Variants in FASTKD1 observed in about 807,000 individuals in gnomAD.
FASTKD1 encodes FAST kinase domain-containing protein 1, mitochondrial.
Under a neutral mutation model 90.9 loss-of-function variants are expected in FASTKD1, and 94 were observed. The ratio of observed to expected loss-of-function variants is 1.03; its 90% CI spans 0.88 to 1.23. The LOEUF (loss-of-function observed/expected upper bound fraction) is 1.23. Among genes scored for constraint, FASTKD1 ranks in the 50% most tolerant of loss-of-function variants. The probability of loss-of-function intolerance (pLI) is 0.00; values close to 1 mark genes in which losing one functional copy is unlikely to be tolerated. For missense variants in FASTKD1, 945 were observed against 993.5 expected (o/e 0.95, Z 0.66); for synonymous variants, 319 against 345.8 (o/e 0.92, Z 0.86).
intron 5 of FASTKD1, chr2:169,560,126 C>A: frequency 4.4e-6 from 1 of 229,770 alleles, no homozygotes; most frequent in Non-Finnish European, 8.4e-6. Flanking sequence ...AGAATAAAAA[C>A]ACATGGCGTT....
chr2:169,548,870 A>G (rs945516802), intron 7 of FASTKD1, among the ~76,000 whole-genome samples: 5 of 151,600 alleles, frequency 3.3e-5, no homozygotes, highest in Non-Finnish European at 5.9e-5. Flanking sequence ...CAAGGCGGGC[A>G]GATCACGAGG....
chr2:169,530,207 C>T (rs760962983), intron 14 of FASTKD1, among the ~76,000 whole-genome samples: 1 of 152,182 alleles, frequency 6.6e-6, no homozygotes, highest in Non-Finnish European at 1.5e-5. Flanking sequence ...CCTCTGATAA[C>T]TCTATCCATC....
At chr2:169,551,673 T>C (rs1225490286) in intron 7 of FASTKD1, among the ~76,000 whole-genome samples, 1 of 152,142 alleles carries the variant, frequency 6.6e-6, no homozygotes, top group African/African-American at 2.4e-5. Flanking sequence ...AGCACGTGCC[T>C]GTAGTCCCAG....
rs1378773701 is a variant in FASTKD1 at position 169,556,298 on chromosome 2, T to C, written c.1082+889A>G. ...CAAAAAATACAAAAATTAGTGGGCA[T>C]GGCGACACGTGCCTGTAGTCCCAGG... On this transcript the variant is annotated intron_variant, in intron 6 of 14. Transcript: ENST00000453153. 5.3e-5 allele frequency among the ~76,000 whole-genome samples: 8 copies of C among 151,588 alleles called. No homozygotes were observed. In the East Asian group the frequency reaches 1.6e-3, roughly 29 times the overall value.
rs1559157078 is a variant in FASTKD1, at chr2:169,561,948, TA to T, written c.573-1164del. ...AATTATTTGTTAATTTATTATAAATTAATTATTAATTTATTGTAAATTAATT... is the reference window on the plus strand; with the variant it reads ...AATTATTTGTTAATTTATTATAAATTATTATTAATTTATTGTAAATTAATT... On this transcript the variant is annotated intron_variant, in intron 4 of 14. Transcript: ENST00000453153. Among the ~76,000 whole-genome samples the T allele has an allele frequency of 2.2e-3, 296 of 132,206 alleles. 91 individuals are homozygous for T. The highest frequency in any genetic ancestry group is 8.0e-3 in the African/African-American group (288 of 36,004). 86.7% of individuals were successfully genotyped at this position (132,206 alleles called of 152,430 possible). A position where few individuals can be genotyped will look rare whatever the true frequency, so the allele number is the denominator to read the frequency against.
Position 169,540,102 on chromosome 2 carries a change from T to C in FASTKD1, c.1894A>G (p.Lys632Glu). The C allele has an allele frequency of 6.2e-7, 1 of 1,610,248 alleles. No homozygotes were observed. The highest frequency in any genetic ancestry group is 8.5e-7 in the Non-Finnish European group (1 of 1,178,048). Residue 632 changes from lysine (K) to glutamate (E), a missense_variant, in exon 10 of 15, where the codon AAG becomes GAG. Physicochemically the swap from Lys to Glu is moderately conservative, Grantham distance 56. Transcript: ENST00000453153. Reference protein sequence around the residue: ...TLEYFPEDLLKAIFNIKFLAR... With the variant: ...TLEYFPEDLLEAIFNIKFLAR... ...AAGAATTTGATGTTAAAAATTGCCT[T>C]TAGCAGATCTTCTGGAAAATATTCA...
chr2:169,558,258 G>A (rs1174897922), intron 5 of FASTKD1, among the ~76,000 whole-genome samples: 1 of 152,076 alleles, frequency 6.6e-6, no homozygotes, highest in Non-Finnish European at 1.5e-5. Context: ...TTGTTCGTGT[G>A]TGTGTTTCTT....
At chr2:169,561,772 A>C (rs1309980939) in intron 4 of FASTKD1, among the ~76,000 whole-genome samples, 1 of 144,092 alleles carries the variant, frequency 6.9e-6, no homozygotes, top group Non-Finnish European at 1.5e-5. Context: ...AATTTATTGT[A>C]AATTATTTAT....
intron 7 of FASTKD1, among the ~76,000 whole-genome samples, chr2:169,548,014 CA>C (rs1685294846): frequency 6.3e-5 from 5 of 79,970 alleles, no homozygotes; most frequent in Admixed American, 1.2e-4. Context: ...AAAAACAAAA[CA>C]AAAACAAAAA....
At chr2:169,551,750 G>A (rs758402175) in intron 7 of FASTKD1, among the ~76,000 whole-genome samples, 10 of 152,210 alleles carry the variant, frequency 6.6e-5, no homozygotes, top group South Asian at 6.2e-4. Flanking sequence ...CCGAGATCAC[G>A]CCACTGTACT....
In FASTKD1 at chr2:169,530,583, A is replaced by G. The variant is rs773131814; in HGVS notation, c.2442+4T>C. 1.3e-6 allele frequency: 2 copies of G among 1,566,100 alleles called. No homozygotes were observed. Among genetic ancestry groups the G allele is most frequent in the Non-Finnish European group, 1.7e-6 (2 of 1,146,040 alleles). ...AGAGGCTGAATTACATGAGTATTTC[A>G]TACCTGAATTACACGATACCCCAGA... On this transcript the variant is annotated splice_donor_region_variant and intron_variant, in intron 14 of 14. Transcript: ENST00000453153.
intron 9 of FASTKD1, among the ~76,000 whole-genome samples, chr2:169,544,445 C>G (rs115638975): frequency 6.6e-6 from 1 of 152,010 alleles, no homozygotes; most frequent in Non-Finnish European, 1.5e-5. Context: ...GTGGCACATG[C>G]TTATAGTCCA....
intron 12 of FASTKD1, among the ~76,000 whole-genome samples, chr2:169,533,472 G>A (rs369096260): frequency 2.0e-5 from 3 of 152,088 alleles, no homozygotes; most frequent in Admixed American, 6.6e-5. Context: ...ATAACCTTGG[G>A]CAATCAATAA....
Position 169,560,558 on chromosome 2 carries a change from G to C in FASTKD1, c.800C>G (p.Ser267Cys), listed in dbSNP as rs1452432731. The change falls in exon 5 of 15, where the codon TCC (serine) becomes TGC (cysteine). Residue 267 changes from serine (S) to cysteine (C), a missense_variant. By Grantham distance (112) the Ser-to-Cys change is moderately radical. Transcript: ENST00000453153. ...LSNVDHLDLD[S>C]ISKILSVYKF... ...GTATACACTAAGTATTTTACTGATGGAATCCAAATCAAGGTGGTCCACATT... is the reference window on the plus strand; with the variant it reads ...GTATACACTAAGTATTTTACTGATGCAATCCAAATCAAGGTGGTCCACATT... 6 of 1,603,414 alleles carry C rather than the reference G, an allele frequency of 3.7e-6. No individual in the cohort carries two copies. In the African/African-American group the frequency reaches 8.1e-5, roughly 22 times the overall value.
At chr2:169,530,485 T>A (rs1022793247) in intron 14 of FASTKD1, 102 bp downstream of exon 14, 1 of 690,106 alleles carries the variant, frequency 1.4e-6, no homozygotes, top group Non-Finnish European at 2.5e-6. Context: ...TTAAAAAATA[T>A]ATTTAAAAAG....
Position 169,546,310 on chromosome 2 carries a change from C to T in FASTKD1, c.1609G>A (p.Gly537Arg), listed in dbSNP as rs1445586925. Residue 537 changes from glycine (G) to arginine (R), a missense_variant, in exon 8 of 15, where the codon GGG (glycine) becomes AGG (arginine). Coordinates refer to ENST00000453153, the MANE Select transcript of FASTKD1 (RefSeq NM_024622.6). ...FMDDINYINV[G>R]EIASFISSTD... ...CTAGAAATAAAAGATGCAATCTCCC[C>T]AACATTTATGTAATTAATATCATCC... 3 of 1,613,720 alleles carry T rather than the reference C, an allele frequency of 1.9e-6. No individual in the cohort carries two copies. The highest frequency in any genetic ancestry group is 2.7e-5 in the African/African-American group (2 of 74,846).
At chr2:169,561,455 T>C (rs942211050) in intron 4 of FASTKD1, among the ~76,000 whole-genome samples, 3 of 151,964 alleles carry the variant, frequency 2.0e-5, no homozygotes, top group Admixed American at 2.0e-4. Flanking sequence ...GCATTGACAG[T>C]AAGTAATCTT....
At chr2:169,569,013 A>AAAC (rs1407740098) in intron 3 of FASTKD1, among the ~76,000 whole-genome samples, 171 bp downstream of exon 3, 11 of 150,046 alleles carry the variant, frequency 7.3e-5, no homozygotes, top group East Asian at 2.0e-4. Flanking sequence ...AAAAAAAAAA[A>AAAC]AACAACAACA....
intron 7 of FASTKD1, among the ~76,000 whole-genome samples, chr2:169,547,080 G>C (rs181496817): frequency 5.3e-5 from 8 of 152,346 alleles, no homozygotes; most frequent in Admixed American, 5.2e-4. Flanking sequence ...CCGGCTTCAA[G>C]TTGGGTTTCC....
Sources: gnomAD v4.1 joint callset for allele counts (sites outside exome capture counted in the v4.1 genomes callset) on GRCh38, gnomAD v4.1.1 for gene constraint, MANE v1.5 for transcripts, NCBI Gene and HGNC (gene_info 2026-07-23, HGNC 2026-07-21) for gene names.